The following CNGA3 variants were observed in gnomAD, a reference collection of about 807,000 sequenced individuals.
CNGA3 encodes cyclic nucleotide-gated channel alpha-3.
A neutral mutation model predicts 46.6 loss-of-function variants in CNGA3; 42 were observed. The ratio of observed to expected loss-of-function variants is 0.90; its 90% CI spans 0.70 to 1.17. The LOEUF is 1.17. CNGA3 is among the 50% of genes most tolerant of loss of function. The pLI is 0.00. For synonymous variants in CNGA3, 394 were observed against 369.4 expected (o/e 1.07, Z -0.76); for missense variants, 893 against 890.7 (o/e 1.00, Z -0.03).
In CNGA3 at chr2:98,346,512, G is replaced by A. The variant is rs1458949302; in HGVS notation, c.-60G>A. ...CGCTCCGCAGACCCTGGCGCGCCGC[G>A]GAGAAGCTCAAACTTTGGCAGGGTA... On this transcript the variant is annotated 5_prime_UTR_variant, in exon 1 of 8. Transcript: ENST00000272602. 3 of 398,452 alleles carry A rather than the reference G, an allele frequency of 7.5e-6. No homozygotes were observed. Among genetic ancestry groups the A allele is most frequent in the Non-Finnish European group, 1.3e-5 (3 of 225,972 alleles). The allele number at this position is 398,452 out of a possible 1,614,324, so 24.7% of individuals were successfully genotyped here. A position where few individuals can be genotyped will look rare whatever the true frequency, so the allele number is the denominator to read the frequency against.
At chr2:98,350,275 A>C (rs985080562) in intron 1 of CNGA3, among the ~76,000 whole-genome samples, 2 of 152,206 alleles carry the variant, frequency 1.3e-5, no homozygotes, top group Admixed American at 6.5e-5. Flanking sequence ...GGATTAAATG[A>C]AGTAATTGAA....
chr2:98,354,311 G>A (rs1233846176), intron 1 of CNGA3, among the ~76,000 whole-genome samples: 1 of 152,110 alleles, frequency 6.6e-6, no homozygotes, highest in Non-Finnish European at 1.5e-5. Context: ...GCCAACTGTA[G>A]TAAGTCATTG....
Position 98,354,031 on chromosome 2 carries a change from T to A in CNGA3, c.-38+7497T>A, listed in dbSNP as rs1691824725. On this transcript the variant is annotated intron_variant, in intron 1 of 7. Coordinates refer to ENST00000272602, the MANE Select transcript of CNGA3 (RefSeq NM_001298.3). ...AGGCTCCACCTCCAACATTGGGGAT[T>A]ACAACAGAACATGAGATTTGGGAGG... 2.0e-5 allele frequency among the ~76,000 whole-genome samples: 3 copies of A among 152,316 alleles called. No homozygotes were observed. The South Asian group carries it at 6.2e-4, about 32-fold the overall frequency.
chr2:98,367,543 A>G (rs1692192558), intron 1 of CNGA3, among the ~76,000 whole-genome samples: 1 of 152,048 alleles, frequency 6.6e-6, no homozygotes, highest in South Asian at 2.1e-4. Context: ...CGGATTTATT[A>G]CTTTTAATGA....
At chr2:98,389,126 C>T (rs1465768146) in intron 5 of CNGA3, among the ~76,000 whole-genome samples, 4 of 152,210 alleles carry the variant, frequency 2.6e-5, no homozygotes, top group Non-Finnish European at 5.9e-5. Context: ...GCCTTTACAT[C>T]GTCCGCACAA....
intron 1 of CNGA3, among the ~76,000 whole-genome samples, chr2:98,361,110 G>A (rs1365114572): frequency 2.0e-5 from 3 of 151,956 alleles, no homozygotes; most frequent in Admixed American, 6.6e-5. Context: ...GTGGTTTGCT[G>A]CATCTATCAA....
In CNGA3 at chr2:98,381,920, G is replaced by C. The variant is rs541219984; in HGVS notation, c.396-1468G>C. 3.8e-4 allele frequency among the ~76,000 whole-genome samples: 58 copies of C among 152,308 alleles called. No individual in the cohort carries two copies. In the South Asian group the frequency reaches 7.5e-3, roughly 20 times the overall value. ...GGAGGGGGGAAAAAGAAGTTTCTCAGCAAGCCAGCCAGACTGGTCTAATTC... is the reference window on the plus strand; with the variant it reads ...GGAGGGGGGAAAAAGAAGTTTCTCACCAAGCCAGCCAGACTGGTCTAATTC... On this transcript the variant is annotated intron_variant, in intron 4 of 7. Transcript: ENST00000272602.
intron 1 of CNGA3, among the ~76,000 whole-genome samples, chr2:98,347,659 C>G (rs1691667918): frequency 6.6e-6 from 1 of 152,200 alleles, no homozygotes; most frequent in Non-Finnish European, 1.5e-5. Flanking sequence ...TCCGCCGGCT[C>G]AGGCCTCGCC....
chr2:98,347,522 G>T (rs1691662224), intron 1 of CNGA3, among the ~76,000 whole-genome samples: 1 of 152,182 alleles, frequency 6.6e-6, no homozygotes, highest in Non-Finnish European at 1.5e-5. Flanking sequence ...CTTTAACTTC[G>T]GCCCTCTGCA....
At chr2:98,356,225 A>G (rs939708661) in intron 1 of CNGA3, among the ~76,000 whole-genome samples, 8 of 152,164 alleles carry the variant, frequency 5.3e-5, no homozygotes, top group African/African-American at 9.7e-5. Flanking sequence ...GTTTAATTTG[A>G]TGAAGCGAGC....
In CNGA3 at chr2:98,353,311, T is replaced by C. The variant is rs75094174; in HGVS notation, c.-38+6777T>C. On this transcript the variant is annotated intron_variant, in intron 1 of 7. Transcript: ENST00000272602. ...CACTTGTTATGGTAATATTAACATT[T>C]TATAGTTCTTTTTCTTTCTGTTTTT... Among the ~76,000 whole-genome samples, 24 of 152,342 alleles carry C rather than the reference T, an allele frequency of 1.6e-4. No homozygotes were observed. In the East Asian group the frequency reaches 4.6e-3, roughly 29 times the overall value.
At chr2:98,350,247 C>T (rs1691743655) in intron 1 of CNGA3, among the ~76,000 whole-genome samples, 1 of 152,170 alleles carries the variant, frequency 6.6e-6, no homozygotes, top group Non-Finnish European at 1.5e-5. Flanking sequence ...TAATGCCTTC[C>T]TCATCGAGTT....
In CNGA3 at chr2:98,354,131, A is replaced by G. The variant is rs572352560; in HGVS notation, c.-38+7597A>G. On this transcript the variant is annotated intron_variant, in intron 1 of 7. Transcript: ENST00000272602. ...ACTTTAAGTCATCTCTAGATTACTT[A>G]TAGTAGTACCTAATACAGTGTAAAT... 4.6e-5 allele frequency among the ~76,000 whole-genome samples: 7 copies of G among 152,356 alleles called. No individual in the cohort carries two copies. The South Asian group carries it at 1.4e-3, about 32-fold the overall frequency.
intron 1 of CNGA3, among the ~76,000 whole-genome samples, chr2:98,349,520 T>A (rs1691729028): frequency 6.6e-6 from 1 of 152,224 alleles, no homozygotes; most frequent in Non-Finnish European, 1.5e-5. Flanking sequence ...ATTCATTCTA[T>A]ACTCATTGAG....
At chr2:98,365,921 G>A (rs1409781375) in intron 1 of CNGA3, among the ~76,000 whole-genome samples, 1 of 152,194 alleles carries the variant, frequency 6.6e-6, no homozygotes, top group Non-Finnish European at 1.5e-5. Context: ...CTCGGCCTCA[G>A]CCCAGTTCTG....
rs2104248683 is a variant in CNGA3 at position 98,396,636 on chromosome 2, G to T, written c.1466G>T (p.Gly489Val). 2 of 1,614,126 alleles carry T rather than the reference G, an allele frequency of 1.2e-6. No individual in the cohort carries two copies. Among genetic ancestry groups the T allele is most frequent in the Non-Finnish European group, 1.7e-6 (2 of 1,180,010 alleles). ...CGCATCTTCCAGGACTGTGAGGCAG[G>T]GCTGCTGGTGGAGCTGGTGCTGAAG... The part of the protein sequence containing the change: ...KVRIFQDCEA[G>V]LLVELVLKLR... The change falls in exon 8 of 8, where the codon GGG becomes GTG. Residue 489 changes from glycine to valine, a missense_variant. Gly to Val is a moderately radical substitution (Grantham distance 109). Coordinates refer to ENST00000272602, the MANE Select transcript of CNGA3 (RefSeq NM_001298.3).
chr2:98,362,125 C>G (rs1692048287), intron 1 of CNGA3, among the ~76,000 whole-genome samples: 1 of 151,316 alleles, frequency 6.6e-6, no homozygotes, highest in African/African-American at 2.4e-5. Context: ...GTTTATTAGC[C>G]ACATAAATGT....
chr2:98,366,065 A>G (rs1224456643), intron 1 of CNGA3, among the ~76,000 whole-genome samples: 1 of 151,024 alleles, frequency 6.6e-6, no homozygotes, highest in Non-Finnish European at 1.5e-5. Context: ...GGCTGCTGAC[A>G]TTTGGATGGG....
chr2:98,369,867 T>C (rs976073154), intron 1 of CNGA3, 72 bp from the exon 2 acceptor site: 10 of 964,038 alleles, frequency 1.0e-5, no homozygotes, highest in Non-Finnish European at 1.6e-5. Flanking sequence ...CGGTAGCCCT[T>C]GCCCTTGATG....
Sources: allele counts gnomAD v4.1 joint callset (sites outside exome capture counted in the v4.1 genomes callset), GRCh38; gene constraint gnomAD v4.1.1; transcripts MANE v1.5; gene names NCBI Gene and HGNC (gene_info 2026-07-23, HGNC 2026-07-21).